The following ZMYM4 variants were observed in gnomAD, a reference collection of about 807,000 sequenced individuals.
ZMYM4 encodes zinc finger MYM-type containing 4.
In ZMYM4, 31 loss-of-function variants were observed where a neutral mutation model predicts 183.2. That is an observed-to-expected ratio of 0.17 (90% CI 0.13 to 0.23). The LOEUF is 0.23. Ranked by LOEUF, ZMYM4 falls within the 10% of genes least tolerant of loss-of-function variation. ZMYM4 has a pLI of 1.00. For synonymous variants in ZMYM4, 592 were observed against 631.2 expected (o/e 0.94, Z 0.93); for missense variants, 1,273 against 1,840.3 (o/e 0.69, Z 5.64).
At chr1:35,406,264 A>G (rs1353022850) in intron 25 of ZMYM4, among the ~76,000 whole-genome samples, 2 of 152,198 alleles carry the variant, frequency 1.3e-5, no homozygotes, top group Non-Finnish European at 2.9e-5. Context: ...GAGTTCCTAT[A>G]GATGAAATGT....
At chr1:35,352,909 T>G (rs1475015542) in intron 2 of ZMYM4, among the ~76,000 whole-genome samples, 3 of 152,200 alleles carry the variant, frequency 2.0e-5, no homozygotes, top group African/African-American at 7.2e-5. Context: ...AGTCCCAAAT[T>G]TATGTCTCAT....
chr1:35,398,912 C>A lies in ZMYM4; in HGVS notation c.3302C>A (p.Thr1101Asn). 1 of 1,614,134 alleles carries A rather than the reference C, an allele frequency of 6.2e-7. No individual in the cohort carries two copies. Among genetic ancestry groups the A allele is most frequent in the Non-Finnish European group, 8.5e-7 (1 of 1,179,996 alleles). ...SGDLESEAVS[T>N]PHSWEEELNH... ...GATCTTGAATCAGAGGCAGTATCTA[C>A]TCCACATAGCTGGGAGGAAGAGCTG... Residue 1101 changes from threonine (T) to asparagine (N), a missense_variant, in exon 22 of 30, where the codon ACT becomes AAT. Thr to Asn is a moderately conservative substitution (Grantham distance 65, BLOSUM62 0). This residue lies in a region of ZMYM4 where 290 missense variants were observed against 353.3 expected (regional missense o/e 0.82). Coordinates refer to ENST00000314607, the MANE Select transcript of ZMYM4 (RefSeq NM_005095.3).
At position 35,322,925 on chromosome 1, in the gene ZMYM4, T is replaced by C. The variant is rs564279230; in HGVS notation, c.40-2435T>C. Among the ~76,000 whole-genome samples, 23 of 148,252 alleles carry C rather than the reference T, an allele frequency of 1.6e-4. No individual in the cohort carries two copies. In the South Asian group the frequency reaches 3.9e-3, roughly 25 times the overall value. On this transcript the variant is annotated intron_variant, in intron 1 of 29. Transcript: ENST00000314607. Reference sequence around the variant, plus strand: ...CAGGCTGGTCTTGAACTCCTGACCTTGTGATCCACCTGCCTCGGCCTCCCA... The same window carrying C: ...CAGGCTGGTCTTGAACTCCTGACCTCGTGATCCACCTGCCTCGGCCTCCCA...
intron 1 of ZMYM4, among the ~76,000 whole-genome samples, chr1:35,271,252 T>C (rs561905): frequency 0.25 from 38,035 of 151,992 alleles, 9,930 homozygotes; most frequent in East Asian, 0.77. Context: ...TAGAAAACAT[T>C]GATGTGTGTT....
chr1:35,324,788 GT>G (rs1358243974), intron 1 of ZMYM4, among the ~76,000 whole-genome samples: 16 of 152,292 alleles, frequency 1.1e-4, no homozygotes, highest in African/African-American at 3.1e-4. Flanking sequence ...ATTTTCTTTA[GT>G]TCTTTGGTGG....
Position 35,418,454 on chromosome 1 carries a change from G to A in ZMYM4, c.4321G>A (p.Val1441Ile). 1.9e-6 allele frequency: 3 copies of A among 1,613,874 alleles called. No homozygotes were observed. Among genetic ancestry groups the A allele is most frequent in the East Asian group, 2.2e-5 (1 of 44,874 alleles). Residue 1441 changes from valine to isoleucine, a missense_variant, in exon 29 of 30, where the codon GTT becomes ATT. This residue lies in a region of ZMYM4 where 145 missense variants were observed against 331.6 expected (regional missense o/e 0.44). Transcript: ENST00000314607. ...TTTCCTGTCTCAAGATAAACTGACT[G>A]TTGGCAAGAGGAAACGAAATGAAGA... ...KQESEPDKLT[V>I]GKRKRNEDDE...
chr1:35,307,093 A>G (rs1054221820), intron 1 of ZMYM4, among the ~76,000 whole-genome samples: 3 of 152,232 alleles, frequency 2.0e-5, no homozygotes, highest in African/African-American at 7.2e-5. Flanking sequence ...TAACTTTCTG[A>G]ATGTCCTTGG....
chr1:35,336,959 C>G (rs1310758250), intron 2 of ZMYM4, among the ~76,000 whole-genome samples: 1 of 152,200 alleles, frequency 6.6e-6, no homozygotes, highest in Non-Finnish European at 1.5e-5. Context: ...TTCATGTGCT[C>G]TTCGTGCTCT....
At chr1:35,413,945 G>A (rs746229269) in intron 26 of ZMYM4, 27 bp from the exon 27 acceptor site, 2 of 1,237,496 alleles carry the variant, frequency 1.6e-6, no homozygotes, top group Admixed American at 2.4e-5. Flanking sequence ...TTATCAACAT[G>A]TATATTTTCT....
chr1:35,301,144 G>A (rs150200516), intron 1 of ZMYM4, among the ~76,000 whole-genome samples: 31 of 152,222 alleles, frequency 2.0e-4, no homozygotes, highest in Non-Finnish European at 4.0e-4. Flanking sequence ...TTGTTACGTG[G>A]TGGCACCAGA....
At chr1:35,293,189 G>A (rs1339691609) in intron 1 of ZMYM4, among the ~76,000 whole-genome samples, 1 of 151,634 alleles carries the variant, frequency 6.6e-6, no homozygotes, top group Non-Finnish European at 1.5e-5. Context: ...ATTTGTTGTA[G>A]AGACAGGGTC....
intron 23 of ZMYM4, among the ~76,000 whole-genome samples, chr1:35,402,209 T>G (rs1317767358): frequency 1.3e-5 from 2 of 152,176 alleles, no homozygotes; most frequent in East Asian, 3.8e-4. Context: ...ATGTTGAGTC[T>G]TCTAATTTGG....
intron 20 of ZMYM4, among the ~76,000 whole-genome samples, chr1:35,398,056 T>G (rs1020094477): frequency 1.3e-5 from 2 of 152,198 alleles, no homozygotes; most frequent in Non-Finnish European, 2.9e-5. Context: ...TCAATCTTCA[T>G]GACAGCCTTA....
chr1:35,317,057 G>A (rs1294526959), intron 1 of ZMYM4, among the ~76,000 whole-genome samples: 1 of 151,870 alleles, frequency 6.6e-6, no homozygotes, highest in Non-Finnish European at 1.5e-5. Flanking sequence ...GGGAGGTGGA[G>A]GTTGCAGTGA....
rs559959743 is a variant in ZMYM4, at chr1:35,338,050, A to G, written c.85+12645A>G. Among the ~76,000 whole-genome samples the G allele has an allele frequency of 2.0e-5, 3 of 152,364 alleles. No homozygotes were observed. The South Asian group carries it at 6.2e-4, about 32-fold the overall frequency. On this transcript the variant is annotated intron_variant, in intron 2 of 29. Coordinates refer to ENST00000314607, the MANE Select transcript of ZMYM4 (RefSeq NM_005095.3). Reference sequence around the variant, plus strand: ...AATTTAATGTAATTTTTCATGTGTCAGGGAATGTTCTTTTGATTGTTTTTT... The same window carrying G: ...AATTTAATGTAATTTTTCATGTGTCGGGGAATGTTCTTTTGATTGTTTTTT...
chr1:35,400,604 T>C (rs879419928), intron 23 of ZMYM4, among the ~76,000 whole-genome samples: 127 of 152,352 alleles, frequency 8.3e-4, no homozygotes, highest in Non-Finnish European at 1.2e-3. Flanking sequence ...ATAATAGCTT[T>C]ATTTTTAAAA....
chr1:35,345,527 T>C (rs1009911567), intron 2 of ZMYM4, among the ~76,000 whole-genome samples: 18 of 152,004 alleles, frequency 1.2e-4, no homozygotes, highest in Non-Finnish European at 2.2e-4. Flanking sequence ...CGATCTCGAC[T>C]CACTGCCATC....
At chr1:35,333,236 C>T (rs975312747) in intron 2 of ZMYM4, among the ~76,000 whole-genome samples, 1 of 149,998 alleles carries the variant, frequency 6.7e-6, no homozygotes, top group African/African-American at 2.5e-5. Context: ...ATGTAAATTG[C>T]ATGAATCTGA....
chr1:35,313,029 G>T (rs1570326628), intron 1 of ZMYM4, among the ~76,000 whole-genome samples: 1 of 152,180 alleles, frequency 6.6e-6, no homozygotes, highest in African/African-American at 2.4e-5. Flanking sequence ...GAGTAGCTGG[G>T]ACTAGAGGCG....
Sources: gnomAD v4.1 joint callset for allele counts (sites outside exome capture counted in the v4.1 genomes callset) on GRCh38, gnomAD v4.1.1 for gene constraint, gnomAD v4.1.1 regional missense constraint, MANE v1.5 for transcripts, NCBI Gene and HGNC (gene_info 2026-07-23, HGNC 2026-07-21) for gene names.